The following CAPZB variants were observed in gnomAD, a reference collection of about 807,000 sequenced individuals.
CAPZB encodes the protein F-actin-capping protein subunit beta.
Under a neutral mutation model 38.1 loss-of-function variants are expected in CAPZB, and 2 were observed. The ratio of observed to expected loss-of-function variants is 0.05; its 90% CI spans 0.02 to 0.17. CAPZB has a LOEUF of 0.17. Among genes scored for constraint, CAPZB ranks in the 10% least tolerant of loss-of-function variants. The probability of loss-of-function intolerance (pLI) is 1.00; values close to 1 mark genes in which losing one functional copy is unlikely to be tolerated. For synonymous variants in CAPZB, 107 were observed against 127.4 expected (o/e 0.84, Z 1.08); for missense variants, 161 against 334.2 (o/e 0.48, Z 4.04).
chr1:19,384,341 C>T (rs1328767270), intron 3 of CAPZB, among the ~76,000 whole-genome samples: 3 of 152,176 alleles, frequency 2.0e-5, no homozygotes, highest in African/African-American at 7.2e-5. Flanking sequence ...GCAGGCTCTT[C>T]CCCAGACCTG....
At chr1:19,415,142 C>T (rs2094373505) in intron 2 of CAPZB, among the ~76,000 whole-genome samples, 1 of 152,234 alleles carries the variant, frequency 6.6e-6, no homozygotes, top group South Asian at 2.1e-4. Flanking sequence ...ACATCTTAAG[C>T]GAGGCCATTC....
chr1:19,365,693 G>T (rs193180138), intron 4 of CAPZB, among the ~76,000 whole-genome samples: 19 of 152,230 alleles, frequency 1.2e-4, no homozygotes, highest in Non-Finnish European at 8.8e-5. Context: ...AATTAGTCGG[G>T]CGTGGTGGTG....
chr1:19,344,221 A>G, intron 8 of CAPZB, 137 bp downstream of exon 8: 2 of 682,158 alleles, frequency 2.9e-6, no homozygotes, highest in Admixed American at 4.7e-5. Context: ...AATCAACATA[A>G]TGATCATCCC....
chr1:19,385,811 A>G, intron 2 of CAPZB, 185 bp from the exon 3 acceptor site: 1 of 768,362 alleles, frequency 1.3e-6, no homozygotes, highest in Non-Finnish European at 2.4e-6. Flanking sequence ...GTCCCTCTAT[A>G]AAGAAACCCA....
At chr1:19,411,663 G>T (rs754924381) in intron 2 of CAPZB, among the ~76,000 whole-genome samples, 1 of 151,346 alleles carries the variant, frequency 6.6e-6, no homozygotes, top group Admixed American at 6.6e-5. Flanking sequence ...GCAATTAATC[G>T]CATTCTTAAT....
intron 1 of CAPZB, among the ~76,000 whole-genome samples, chr1:19,460,005 C>T (rs1470925276): frequency 2.0e-5 from 3 of 151,084 alleles, no homozygotes; most frequent in African/African-American, 7.3e-5. Flanking sequence ...ATTCCATTAT[C>T]CCAAAGAGAA....
chr1:19,361,143 A>G (rs915673792), intron 4 of CAPZB, among the ~76,000 whole-genome samples: 1 of 152,214 alleles, frequency 6.6e-6, no homozygotes, highest in African/African-American at 2.4e-5. Flanking sequence ...CAGCAAGGAT[A>G]GTATTCAGTC....
chr1:19,484,635 T>C, intron 1 of CAPZB: 1 of 1,170,174 alleles, frequency 8.5e-7, no homozygotes, highest in Non-Finnish European at 1.1e-6. Flanking sequence ...CCCCAAAGGC[T>C]GCAAAGAAGG....
chr1:19,448,823 G>C (rs189413444), intron 1 of CAPZB: 5 of 1,612,780 alleles, frequency 3.1e-6, no homozygotes, highest in African/African-American at 1.3e-5. Flanking sequence ...CAGATCTAAA[G>C]TGCGTGTCAC....
At chr1:19,404,097 G>A (rs1252222327) in intron 2 of CAPZB, among the ~76,000 whole-genome samples, 1 of 151,952 alleles carries the variant, frequency 6.6e-6, no homozygotes, top group Non-Finnish European at 1.5e-5. Context: ...GCTGGCTATA[G>A]TGGTACACAC....
chr1:19,438,295 C>A (rs1158247822), intron 1 of CAPZB, among the ~76,000 whole-genome samples: 2 of 152,138 alleles, frequency 1.3e-5, no homozygotes, highest in African/African-American at 4.8e-5. Flanking sequence ...GAAACAAACA[C>A]AAGCCATCCA....
chr1:19,375,388 G>A (rs868409060), intron 4 of CAPZB, among the ~76,000 whole-genome samples: 9 of 152,082 alleles, frequency 5.9e-5, no homozygotes, highest in Admixed American at 1.3e-4. Flanking sequence ...GGTGGTCTGC[G>A]GTCCCTGTCA....
intron 3 of CAPZB, among the ~76,000 whole-genome samples, chr1:19,383,116 C>CAA (rs34245294): frequency 5.1e-4 from 65 of 128,242 alleles, no homozygotes; most frequent in African/African-American, 1.7e-3. Context: ...CCCATCTCTA[C>CAA]AAAAAAAAAA....
At chr1:19,344,534 T>G in intron 7 of CAPZB, 100 bp from the exon 8 acceptor site, 16 of 889,282 alleles carry the variant, frequency 1.8e-5, no homozygotes, top group Non-Finnish European at 3.0e-5. Context: ...GTGTGGCCAC[T>G]GGAGGGTGGC....
Position 19,344,363 on chromosome 1 carries a change from C to G in CAPZB, c.726G>C (p.Gly242=), listed in dbSNP as rs371690545. Residue 242 remains glycine (G), a synonymous_variant, in exon 8 of 9, where the codon GGG becomes GGC. Coordinates refer to ENST00000264202, the MANE Select transcript of CAPZB (RefSeq NM_004930.5). The stretch of plus-strand genomic sequence containing the variant: ...TGTGCTTTCTGGTACATTACCTCAG[C>G]CCATTGACGATATCCTTTGTTTTTC... ...YFGKTKDIVN[G]LRSVQTFADK... is the part of the protein sequence containing the mutation. 1 of 1,611,078 alleles carries G rather than the reference C, an allele frequency of 6.2e-7. No individual in the cohort carries two copies. The highest frequency in any genetic ancestry group is 8.5e-7 in the Non-Finnish European group (1 of 1,177,274).
At chr1:19,406,422 C>T (rs985322121) in intron 2 of CAPZB, among the ~76,000 whole-genome samples, 1 of 152,138 alleles carries the variant, frequency 6.6e-6, no homozygotes, top group African/African-American at 2.4e-5. Context: ...GAACAGAACG[C>T]CCTTTCAACG....
intron 1 of CAPZB, among the ~76,000 whole-genome samples, chr1:19,463,919 C>T (rs1490163570): frequency 6.6e-6 from 1 of 151,814 alleles, no homozygotes; most frequent in African/African-American, 2.4e-5. Context: ...GTGGCTTATG[C>T]CTGTAATCCC....
intron 8 of CAPZB, among the ~76,000 whole-genome samples, chr1:19,339,954 T>TA (rs2093919082): frequency 6.6e-6 from 1 of 152,118 alleles, no homozygotes; most frequent in East Asian, 1.9e-4. Flanking sequence ...TATGTCACCC[T>TA]AAGCCACAAG....
chr1:19,385,034 G>A (rs1258021239), intron 3 of CAPZB, among the ~76,000 whole-genome samples: 4 of 152,148 alleles, frequency 2.6e-5, no homozygotes, highest in Non-Finnish European at 4.4e-5. Context: ...AGCCTTGGGC[G>A]AGGTGACGGA....
Sources: gnomAD v4.1 joint callset for allele counts (sites outside exome capture counted in the v4.1 genomes callset) on GRCh38, gnomAD v4.1.1 for gene constraint, MANE v1.5 for transcripts, NCBI Gene and HGNC (gene_info 2026-07-23, HGNC 2026-07-21) for gene names.